EYS: variants seen among roughly 807,000 people sequenced by gnomAD.
EYS encodes protein eyes shut homolog.
A neutral mutation model predicts 282.1 loss-of-function variants in EYS; 250 were observed. That is an observed-to-expected ratio of 0.89 (90% CI 0.80 to 0.98). EYS has a LOEUF of 0.98. Among genes scored for constraint, EYS ranks in the 50% least tolerant of loss-of-function variants. The pLI, the probability that EYS is intolerant of heterozygous loss-of-function variation, is 0.00. For missense variants in EYS, 4,016 were observed against 3,709.0 expected (o/e 1.08, Z -2.15); for synonymous variants, 1,355 against 1,282.9 (o/e 1.06, Z -1.20).
At chr6:65,467,816 A>C (rs1307597802) in intron 5 of EYS, among the ~76,000 whole-genome samples, 1 of 152,118 alleles carries the variant, frequency 6.6e-6, no homozygotes, top group African/African-American at 2.4e-5. Context: ...AAAATATATG[A>C]CAGAATTATA....
chr6:64,276,076 A>G (rs1005456517), intron 30 of EYS, among the ~76,000 whole-genome samples: 1 of 152,076 alleles, frequency 6.6e-6, no homozygotes, highest in Non-Finnish European at 1.5e-5. Context: ...CATCCCTGAG[A>G]TAATCAGGAT....
chr6:65,671,884 C>G (rs1768400736), intron 1 of EYS, among the ~76,000 whole-genome samples: 1 of 152,130 alleles, frequency 6.6e-6, no homozygotes, highest in Non-Finnish European at 1.5e-5. Context: ...AGCTAAGAGA[C>G]TGATTTCTTC....
At chr6:65,020,775 A>G (rs1337227767) in intron 13 of EYS, among the ~76,000 whole-genome samples, 1 of 152,128 alleles carries the variant, frequency 6.6e-6, no homozygotes, top group Admixed American at 6.6e-5. Flanking sequence ...CTGGACATCC[A>G]GATGTTTCCA....
At chr6:65,076,331 TATATC>T (rs1434614569) in intron 12 of EYS, among the ~76,000 whole-genome samples, 1 of 152,006 alleles carries the variant, frequency 6.6e-6, no homozygotes, top group Admixed American at 6.6e-5. Flanking sequence ...AATTATAAAA[TATATC>T]ATACATATTG....
chr6:63,852,083 G>C (rs1469743316), intron 36 of EYS, among the ~76,000 whole-genome samples: 1 of 147,824 alleles, frequency 6.8e-6, no homozygotes. Flanking sequence ...CGTGAACCCG[G>C]GAGGCGGAGC....
chr6:65,127,036 T>C (rs1198005532), intron 12 of EYS, among the ~76,000 whole-genome samples: 1 of 152,106 alleles, frequency 6.6e-6, no homozygotes, highest in Non-Finnish European at 1.5e-5. Flanking sequence ...AAAGGAACAC[T>C]GTGCCAGGGG....
chr6:65,284,100 ATGGCACATTTCCTGTG>A (rs1235251097), intron 12 of EYS, among the ~76,000 whole-genome samples: 1 of 152,100 alleles, frequency 6.6e-6, no homozygotes, highest in Non-Finnish European at 1.5e-5. Flanking sequence ...AAGAATTGAA[ATGGCACATTTCCTGTG>A]TGGCTGTGGG....
At chr6:64,053,304 A>G (rs1770875309) in intron 33 of EYS, among the ~76,000 whole-genome samples, 1 of 152,138 alleles carries the variant, frequency 6.6e-6, no homozygotes, top group Non-Finnish European at 1.5e-5. Context: ...ATACATTTTT[A>G]ATTTTTATTA....
chr6:64,091,779 T>G (rs2150251963), intron 31 of EYS, among the ~76,000 whole-genome samples: 1 of 152,222 alleles, frequency 6.6e-6, no homozygotes, highest in African/African-American at 2.4e-5. Context: ...ACTTTAAGTT[T>G]TAGGGTACAT....
intron 31 of EYS, among the ~76,000 whole-genome samples, chr6:64,206,706 C>T (rs147527874): frequency 8.5e-5 from 13 of 152,204 alleles, no homozygotes; most frequent in East Asian, 1.9e-4. Flanking sequence ...CAGGCTTAAC[C>T]GTCTTACACT....
chr6:63,937,909 C>T (rs549757336), intron 35 of EYS, among the ~76,000 whole-genome samples: 2 of 152,188 alleles, frequency 1.3e-5, no homozygotes, highest in Admixed American at 6.5e-5. Context: ...CAGACTAAGA[C>T]ACCACTTTCT....
intron 2 of EYS, among the ~76,000 whole-genome samples, chr6:65,584,598 C>T (rs1164380221): frequency 6.6e-6 from 1 of 151,838 alleles, no homozygotes; most frequent in Non-Finnish European, 1.5e-5. Context: ...CTATAAAATA[C>T]CTTCAAACGA....
chr6:64,125,178 CTCTCTCTCTCTCTCAA>C (rs1363122950), intron 31 of EYS, among the ~76,000 whole-genome samples: 3 of 147,276 alleles, frequency 2.0e-5, no homozygotes, highest in Non-Finnish European at 4.4e-5. Flanking sequence ...CTCTCTCTCG[CTCTCTCTCTCTCTCAA>C]GGAGTAATGA....
At chr6:65,045,887 T>G (rs1001378885) in intron 13 of EYS, among the ~76,000 whole-genome samples, 1 of 151,944 alleles carries the variant, frequency 6.6e-6, no homozygotes, top group Admixed American at 6.6e-5. Context: ...GTTGGTAGAT[T>G]TGTTATAGCA....
chr6:63,793,119 A>G (rs941777915), intron 37 of EYS, among the ~76,000 whole-genome samples: 7 of 152,224 alleles, frequency 4.6e-5, no homozygotes, highest in African/African-American at 1.4e-4. Flanking sequence ...AACTTACTTC[A>G]AATGCAGGAA....
At chr6:65,533,116 T>A (rs1767840756) in intron 2 of EYS, among the ~76,000 whole-genome samples, 1 of 152,070 alleles carries the variant, frequency 6.6e-6, no homozygotes, top group Non-Finnish European at 1.5e-5. Context: ...TTTATTGCCA[T>A]ATTAAATAGA....
At chr6:65,618,102 G>A (rs1313178955) in intron 2 of EYS, among the ~76,000 whole-genome samples, 9 of 152,046 alleles carry the variant, frequency 5.9e-5, no homozygotes, top group African/African-American at 1.7e-4. Context: ...GGTATTTCTA[G>A]TTCTAGATCC....
At chr6:65,350,091 T>A (rs990762761) in intron 9 of EYS, among the ~76,000 whole-genome samples, 1 of 151,494 alleles carries the variant, frequency 6.6e-6, no homozygotes, top group Admixed American at 6.6e-5. Context: ...AAACTTACTA[T>A]AAGTGATATG....
At chr6:63,853,332 G>A (rs58094753) in intron 36 of EYS, among the ~76,000 whole-genome samples, 18,615 of 151,898 alleles carry the variant, frequency 0.12, 1,396 homozygotes, top group African/African-American at 0.2. Flanking sequence ...ATTCCTATAC[G>A]TCAATAATAG....
Sources: gnomAD v4.1 joint callset for allele counts (sites outside exome capture counted in the v4.1 genomes callset) on GRCh38, gnomAD v4.1.1 for gene constraint, MANE v1.5 for transcripts, NCBI Gene and HGNC (gene_info 2026-07-23, HGNC 2026-07-21) for gene names.